Variants in ATP2A2 observed in about 807,000 individuals in gnomAD.
The protein encoded by ATP2A2 is ATPase sarcoplasmic/endoplasmic reticulum Ca2+ transporting 2.
ATP2A2 carries 14 observed loss-of-function variants against 109.3 expected under a neutral mutation model. The ratio of observed to expected loss-of-function variants is 0.13; its 90% confidence interval spans 0.08 to 0.20. The LOEUF is 0.20. Among genes scored for constraint, ATP2A2 ranks in the 10% least tolerant of loss-of-function variants. The pLI is 1.00. For synonymous variants in ATP2A2, 506 were observed against 490.9 expected, an observed-to-expected ratio of 1.03 and a Z score of -0.41; for missense variants, 657 against 1,321.6, an observed-to-expected ratio of 0.50 and a Z score of 7.80.
In ATP2A2 at chr12:110,343,220, G is replaced by C; in HGVS notation, c.2319-12G>C. On this transcript the variant is annotated splice_polypyrimidine_tract_variant and intron_variant, in intron 15 of 19. Coordinates refer to ENST00000539276, the MANE Select transcript of ATP2A2 (RefSeq NM_170665.4). ...TGGGCTCTCTTTGTCTTCTTTTCTT[G>C]ATTGGAAACAGTATTTTCCTGACAG... 3 of 1,613,366 alleles carry C rather than the reference G, an allele frequency of 1.9e-6. No individual in the cohort carries two copies. The highest frequency in any genetic ancestry group is 2.5e-6 in the Non-Finnish European group (3 of 1,179,650).
chr12:110,296,991 G>A (rs943419066), intron 5 of ATP2A2, among the ~76,000 whole-genome samples: 1 of 152,056 alleles, frequency 6.6e-6, no homozygotes, highest in African/African-American at 2.4e-5. Context: ...TAAATACATT[G>A]TAGAACACAA....
intron 5 of ATP2A2, among the ~76,000 whole-genome samples, chr12:110,309,805 C>T (rs950844661): frequency 4.0e-5 from 6 of 151,858 alleles, no homozygotes; most frequent in African/African-American, 9.7e-5. Context: ...ACTTGAAAAG[C>T]TGAGGTGGGA....
rs939154962 is a variant in ATP2A2, at chr12:110,348,169, T to G, written c.*1699T>G. 4 of 985,270 alleles carry G rather than the reference T, an allele frequency of 4.1e-6. No individual in the cohort carries two copies. The African/African-American group carries it at 7.0e-5, about 17-fold the overall frequency. 61.0% of individuals were successfully genotyped at this position (985,270 alleles called of 1,614,324 possible). A position where few individuals can be genotyped will look rare whatever the true frequency, so the allele number is the denominator to read the frequency against. ...GTCATCCCAGAACATTGCTACTTATTTATTAAAAAGCTAAAAACTAGTGAA... is the reference window on the plus strand; with the variant it reads ...GTCATCCCAGAACATTGCTACTTATGTATTAAAAAGCTAAAAACTAGTGAA... On this transcript the variant is annotated 3_prime_UTR_variant, in exon 20 of 20. Transcript: ENST00000539276.
chr12:110,339,406 A>G lies in ATP2A2; in HGVS notation c.1542+3A>G. ...CAATGAGCAAGATGTTTGTGAAGGC[A>G]AGTATGGCAGATTGCAATTGAGATG... On this transcript the variant is annotated splice_donor_region_variant and intron_variant, in intron 12 of 19. Coordinates refer to ENST00000539276, the MANE Select transcript of ATP2A2 (RefSeq NM_170665.4). The surrounding 1 kb of genome is among the most constrained non-coding windows in gnomAD (Gnocchi z 4.4). 3 of 1,614,220 alleles carry G rather than the reference A, an allele frequency of 1.9e-6. No individual in the cohort carries two copies. Among genetic ancestry groups the G allele is most frequent in the Non-Finnish European group, 2.5e-6 (3 of 1,180,034 alleles).
Position 110,292,970 on chromosome 12 carries a change from T to G in ATP2A2, c.324+846T>G, listed in dbSNP as rs542821512. Among the ~76,000 whole-genome samples, 9 of 152,316 alleles carry G rather than the reference T, an allele frequency of 5.9e-5. No homozygotes were observed. In the South Asian group the frequency reaches 1.7e-3, roughly 28 times the overall value. On this transcript the variant is annotated intron_variant, in intron 4 of 19. Transcript: ENST00000539276. ...TTTTGGTAGGTTTAGCTATAAAAAT[T>G]GTTTCCCCTTCAGTGCTTACTACAG...
intron 5 of ATP2A2, among the ~76,000 whole-genome samples, chr12:110,298,454 T>G (rs1874201246): frequency 6.6e-6 from 1 of 152,224 alleles, no homozygotes; most frequent in African/African-American, 2.4e-5. Flanking sequence ...GCGTGGTGGC[T>G]CATGCCTGTA....
At position 110,281,711 on chromosome 12, in the gene ATP2A2, C is replaced by G. The variant is rs1055434192; in HGVS notation, c.-79C>G. The G allele has an allele frequency of 1.0e-5, 11 of 1,050,674 alleles. No individual in the cohort carries two copies. Among genetic ancestry groups the G allele is most frequent in the Non-Finnish European group, 1.3e-5 (10 of 780,846 alleles). 65.1% of individuals were successfully genotyped at this position (1,050,674 alleles called of 1,614,324 possible). A position where few individuals can be genotyped will look rare whatever the true frequency, so the allele number is the denominator to read the frequency against. On this transcript the variant is annotated 5_prime_UTR_variant, in exon 1 of 20. Coordinates refer to ENST00000539276, the MANE Select transcript of ATP2A2 (RefSeq NM_170665.4). ...CCGCGCCTGGGCTCCCGGGGTGGCACGAGCCCGCGGCCGGAGTGCGAGGCG... is the reference window on the plus strand; with the variant it reads ...CCGCGCCTGGGCTCCCGGGGTGGCAGGAGCCCGCGGCCGGAGTGCGAGGCG...
intron 5 of ATP2A2, among the ~76,000 whole-genome samples, chr12:110,320,652 T>C (rs1877143668): frequency 6.6e-6 from 1 of 152,228 alleles, no homozygotes; most frequent in South Asian, 2.1e-4. Context: ...CAGAATTATA[T>C]TAAAATGAAA....
At chr12:110,314,866 C>CTT (rs372770725) in intron 5 of ATP2A2, among the ~76,000 whole-genome samples, 18 of 139,076 alleles carry the variant, frequency 1.3e-4, no homozygotes, top group Admixed American at 1.5e-4. Flanking sequence ...AGAAGATACA[C>CTT]TTTTTTTTTT....
chr12:110,301,173 G>A (rs781537125), intron 5 of ATP2A2, among the ~76,000 whole-genome samples: 3 of 152,044 alleles, frequency 2.0e-5, no homozygotes, highest in Non-Finnish European at 4.4e-5. Context: ...CTGCCTTGTT[G>A]GGCTGTTTTA....
In ATP2A2 at chr12:110,348,131, G is replaced by A. The variant is rs116445475; in HGVS notation, c.*1661G>A. 1,567 of 985,490 alleles carry A rather than the reference G, an allele frequency of 1.6e-3. 8 individuals carry two copies. In the African/African-American group the frequency reaches 0.026, roughly 16 times the overall value. 61.0% of individuals were successfully genotyped at this position (985,490 alleles called of 1,614,324 possible). On this transcript the variant is annotated 3_prime_UTR_variant, in exon 20 of 20. Transcript: ENST00000539276. The stretch of plus-strand genomic sequence containing the variant: ...CAGACTATTGCTAAAATGAGGGTTC[G>A]CAGCTGCCAGGAGTCATCCCAGAAC...
chr12:110,303,435 C>T (rs977647536), intron 5 of ATP2A2, among the ~76,000 whole-genome samples: 8 of 151,580 alleles, frequency 5.3e-5, no homozygotes, highest in South Asian at 4.2e-4. Context: ...TGTTTTGAGA[C>T]GAGTCTCGCT....
chr12:110,282,644 G>GT (rs753785245), intron 2 of ATP2A2, 23 bp downstream of exon 2: 76 of 1,612,546 alleles, frequency 4.7e-5, no homozygotes, highest in Middle Eastern at 3.3e-4. Flanking sequence ...TGCTGTTTCT[G>GT]TTTTTTTTCC....
At chr12:110,332,100 T>A in intron 8 of ATP2A2, 1 of 188,242 alleles carries the variant, frequency 5.3e-6, no homozygotes, top group Non-Finnish European at 1.1e-5. Flanking sequence ...TGTCTTATTT[T>A]ACTCGGGAAA....
At chr12:110,291,178 A>T (rs1226376281) in intron 3 of ATP2A2, among the ~76,000 whole-genome samples, 1 of 136,128 alleles carries the variant, frequency 7.3e-6, no homozygotes, top group Non-Finnish European at 1.6e-5. Flanking sequence ...AAAGTGCTGG[A>T]ATTACAGGCG....
intron 14 of ATP2A2, among the ~76,000 whole-genome samples, chr12:110,341,652 C>T (rs776664637): frequency 4.6e-5 from 7 of 152,210 alleles, no homozygotes; most frequent in Non-Finnish European, 1.0e-4. Context: ...GCAGGTGAAT[C>T]ACTTGGGGTC....
chr12:110,322,780 T>C (rs900857257), intron 5 of ATP2A2, among the ~76,000 whole-genome samples: 7 of 152,242 alleles, frequency 4.6e-5, no homozygotes, highest in Non-Finnish European at 7.3e-5. Context: ...CCTCATTCTC[T>C]TCCTTCCTAA....
At chr12:110,288,799 C>A (rs1872948957) in intron 3 of ATP2A2, among the ~76,000 whole-genome samples, 1 of 152,162 alleles carries the variant, frequency 6.6e-6, no homozygotes, top group African/African-American at 2.4e-5. Flanking sequence ...TAACTTCTGG[C>A]AAACCATAAT....
At position 110,346,890 on chromosome 12, in the gene ATP2A2, C is replaced by T. The variant is rs79480962; in HGVS notation, c.*420C>T. On this transcript the variant is annotated 3_prime_UTR_variant, in exon 20 of 20. Transcript: ENST00000539276. ...GTATTGTGTCTTTTGCATGATGATC[C>T]GGATTTAATTTGATATCACAGTCTA... 3.1e-5 allele frequency: 34 copies of T among 1,084,766 alleles called. No homozygotes were observed. Among genetic ancestry groups the T allele is most frequent in the African/African-American group, 2.9e-4 (17 of 58,434 alleles). 67.2% of individuals were successfully genotyped at this position (1,084,766 alleles called of 1,614,324 possible).
Sources: gnomAD v4.1 joint callset for allele counts (sites outside exome capture counted in the v4.1 genomes callset) on GRCh38, gnomAD v4.1.1 for gene constraint, Gnocchi (gnomAD v3.1) non-coding constraint, MANE v1.5 for transcripts, NCBI Gene and HGNC (gene_info 2026-07-23, HGNC 2026-07-21) for gene names.